Variants in ZBTB10 observed in about 807,000 individuals in gnomAD.
The protein encoded by ZBTB10 is zinc finger and BTB domain-containing protein 10.
ZBTB10 carries 32 observed loss-of-function variants against 76.4 expected under a neutral mutation model. The ratio of observed to expected loss-of-function variants is 0.42; its 90% CI spans 0.32 to 0.56. The LOEUF (loss-of-function observed/expected upper bound fraction) is 0.56. ZBTB10 is among the 20% of genes least tolerant of loss of function. The probability of loss-of-function intolerance (pLI) is 0.14; values close to 1 mark genes in which losing one functional copy is unlikely to be tolerated. For missense variants in ZBTB10, 1,057 were observed against 1,098.5 expected (o/e 0.96, Z 0.53); for synonymous variants, 523 against 432.9 (o/e 1.21, Z -2.58).
rs560834595 is a variant in ZBTB10, at chr8:80,525,698, A to G, written c.*6170A>G. ...TTTCAGTATTATTTTTCTGTACCAA[A>G]CTCATTCAATAAATACTTGAGATTA... On this transcript the variant is annotated 3_prime_UTR_variant, in exon 6 of 6. Coordinates refer to ENST00000455036, the MANE Select transcript of ZBTB10 (RefSeq NM_001105539.3). 11 of 152,240 alleles carry G rather than the reference A, an allele frequency of 7.2e-5. No homozygotes were observed. In the East Asian group the frequency reaches 2.1e-3, roughly 29 times the overall value. The allele number at this position is 152,240 out of a possible 1,614,324, so 9.4% of individuals were successfully genotyped here. A position where few individuals can be genotyped will look rare whatever the true frequency, so the allele number is the denominator to read the frequency against.
intron 2 of ZBTB10, among the ~76,000 whole-genome samples, chr8:80,510,933 C>G (rs1020978058): frequency 4.6e-5 from 7 of 152,080 alleles, no homozygotes; most frequent in Admixed American, 4.6e-4. Context: ...AAGCAAAATT[C>G]ATTCGTGTCA....
rs757569115 is a variant in ZBTB10 at position 80,523,234 on chromosome 8, G to A, written c.*3706G>A. ...ATTCTGAAGCCCATACTCTTTCAGGGAGGCTCTATTGCTGCCTCATTAAAC... is the reference window on the plus strand; with the variant it reads ...ATTCTGAAGCCCATACTCTTTCAGGAAGGCTCTATTGCTGCCTCATTAAAC... On this transcript the variant is annotated 3_prime_UTR_variant, in exon 6 of 6. Transcript: ENST00000455036. 5 of 151,910 alleles carry A rather than the reference G, an allele frequency of 3.3e-5. No homozygotes were observed. The highest frequency in any genetic ancestry group is 6.6e-5 in the Admixed American group (1 of 15,226). 9.4% of individuals were successfully genotyped at this position (151,910 alleles called of 1,614,324 possible).
At position 80,486,291 on chromosome 8, in the gene ZBTB10, T is replaced by A; in HGVS notation, c.-520T>A. The A allele has an allele frequency of 2.0e-6, 2 of 1,012,796 alleles. No homozygotes were observed. The highest frequency in any genetic ancestry group is 2.4e-6 in the Non-Finnish European group (2 of 849,006). The allele number at this position is 1,012,796 out of a possible 1,614,324, so 62.7% of individuals were successfully genotyped here. A position where few individuals can be genotyped will look rare whatever the true frequency, so the allele number is the denominator to read the frequency against. ...ACGCTCCGCCGGCTTTATTGTCGCT[T>A]CGTTATGTGGCGGAGCCGAGCAGTT... On this transcript the variant is annotated 5_prime_UTR_variant, in exon 1 of 6. Coordinates refer to ENST00000455036, the MANE Select transcript of ZBTB10 (RefSeq NM_001105539.3).
rs1815631931 is a variant in ZBTB10, at chr8:80,491,581, T to A, written c.972+3799T>A. ...ATGGGAAAGTCTTTTAAAACATGCT[T>A]TCTGAGTCTGTGTTTTGAGCCTTCT... On this transcript the variant is annotated intron_variant, in intron 1 of 5. Transcript: ENST00000455036. Among the ~76,000 whole-genome samples the A allele has an allele frequency of 2.7e-5, 4 of 148,038 alleles. No homozygotes were observed. The South Asian group carries it at 8.3e-4, about 31-fold the overall frequency.
chr8:80,498,068 G>A (rs972202965), intron 1 of ZBTB10, among the ~76,000 whole-genome samples: 2 of 152,242 alleles, frequency 1.3e-5, no homozygotes, highest in East Asian at 1.9e-4. Flanking sequence ...AGATGACAGC[G>A]TCTGTGGCCT....
Position 80,523,375 on chromosome 8 carries a change from C to A in ZBTB10, c.*3847C>A, listed in dbSNP as rs754881227. 3 of 151,964 alleles carry A rather than the reference C, an allele frequency of 2.0e-5. No homozygotes were observed. Among genetic ancestry groups the A allele is most frequent in the Non-Finnish European group, 4.4e-5 (3 of 67,888 alleles). 9.4% of individuals were successfully genotyped at this position (151,964 alleles called of 1,614,324 possible). ...CCCCCCAATAAATTTCCTTACTACTCTTTCTTCATAAAGCAGTTGTTTTGT... is the reference window on the plus strand; with the variant it reads ...CCCCCCAATAAATTTCCTTACTACTATTTCTTCATAAAGCAGTTGTTTTGT... On this transcript the variant is annotated 3_prime_UTR_variant, in exon 6 of 6. Coordinates refer to ENST00000455036, the MANE Select transcript of ZBTB10 (RefSeq NM_001105539.3).
Position 80,487,382 on chromosome 8 carries a change from C to T in ZBTB10, c.572C>T (p.Ala191Val), listed in dbSNP as rs1422451600. 1 of 1,529,876 alleles carries T rather than the reference C, an allele frequency of 6.5e-7. No homozygotes were observed. Among genetic ancestry groups the T allele is most frequent in the African/African-American group, 1.4e-5 (1 of 72,714 alleles). The allele number at this position is 1,529,876 out of a possible 1,614,324, so 94.8% of individuals were successfully genotyped here. Residue 191 changes from alanine to valine, a missense_variant, in exon 1 of 6, where the codon GCG becomes GTG. By Grantham distance (64) the Ala-to-Val change is moderately conservative. Around this residue, in one of 5 missense-constraint regions of ZBTB10, gnomAD observed 556 missense variants for 451.7 expected, o/e 1.23. Coordinates refer to ENST00000455036, the MANE Select transcript of ZBTB10 (RefSeq NM_001105539.3). ...AGCACCGAGGACGAGGAGGAGGGGG[C>T]GAGCCTGGGCGACGGCAGCGGGGCG... Reference protein sequence around the residue: ...SDSTEDEEEGASLGDGSGAEG... With the variant: ...SDSTEDEEEGVSLGDGSGAEG...
At chr8:80,504,569 C>A in intron 2 of ZBTB10, among the ~76,000 whole-genome samples, 1 of 152,138 alleles carries the variant, frequency 6.6e-6, no homozygotes, top group Non-Finnish European at 1.5e-5. Flanking sequence ...TGTTGTTTGA[C>A]TTCACTTCAG....
At position 80,504,709 on chromosome 8, in the gene ZBTB10, TAATCA is replaced by T. The variant is rs551723743; in HGVS notation, c.1861+4331_1861+4335del. 2.8e-3 allele frequency among the ~76,000 whole-genome samples: 427 copies of T among 152,282 alleles called. 1 individual carries two copies. Among genetic ancestry groups the T allele is most frequent in the Middle Eastern group, 3.4e-3 (1 of 294 alleles). ...CTGTCAGCAAAAACTAAAATCTGGG[TAATCA>T]AATAAGGGTAAAAATGATGTCGTGA... On this transcript the variant is annotated intron_variant, in intron 2 of 5. Transcript: ENST00000455036.
At chr8:80,491,399 C>T (rs1032555779) in intron 1 of ZBTB10, among the ~76,000 whole-genome samples, 4 of 152,208 alleles carry the variant, frequency 2.6e-5, no homozygotes, top group Non-Finnish European at 5.9e-5. Context: ...ATCGATGCAT[C>T]TCTCAGATCA....
At position 80,487,446 on chromosome 8, in the gene ZBTB10, C is replaced by T; in HGVS notation, c.636C>T (p.Gly212=). 6.5e-7 allele frequency: 1 copy of T among 1,545,914 alleles called. No homozygotes were observed. Among genetic ancestry groups the T allele is most frequent in the Non-Finnish European group, 8.8e-7 (1 of 1,142,824 alleles). The part of the protein sequence containing the change: ...GSCSSSRRSG[G]DGGDEVEGSG... ...GCAGCAGCAGCAGGCGGTCGGGCGG[C>T]GATGGCGGGGACGAAGTGGAGGGCA... The change falls in exon 1 of 6, where the codon GGC becomes GGT. Residue 212 remains glycine (G), a synonymous_variant. Coordinates refer to ENST00000455036, the MANE Select transcript of ZBTB10 (RefSeq NM_001105539.3).
At chr8:80,493,188 T>C (rs916921521) in intron 1 of ZBTB10, among the ~76,000 whole-genome samples, 4 of 133,506 alleles carry the variant, frequency 3.0e-5, no homozygotes, top group Admixed American at 7.6e-5. Flanking sequence ...AGACTGTGCC[T>C]CAAAACGCGC....
chr8:80,500,423 A>G, intron 2 of ZBTB10, 41 bp downstream of exon 2: 1 of 1,442,916 alleles, frequency 6.9e-7, no homozygotes, highest in South Asian at 1.5e-5. Flanking sequence ...TGTTCATCCT[A>G]ATTCTAGTTG....
At chr8:80,518,193 C>T (rs1816377706) in intron 3 of ZBTB10, among the ~76,000 whole-genome samples, 1 of 149,018 alleles carries the variant, frequency 6.7e-6, no homozygotes, top group African/African-American at 2.6e-5. Flanking sequence ...AACTGAATTT[C>T]TTCTACTATA....
rs759346726 is a variant in ZBTB10, at chr8:80,513,972, G to A, written c.1924G>A (p.Ala642Thr). 6.8e-6 allele frequency: 11 copies of A among 1,613,410 alleles called. No homozygotes were observed. The highest frequency in any genetic ancestry group is 6.7e-5 in the African/African-American group (5 of 74,896). The change falls in exon 3 of 6, where the codon GCT becomes ACT. Residue 642 changes from alanine to threonine, a missense_variant. By Grantham distance (58) the Ala-to-Thr change is moderately conservative. Transcript: ENST00000455036. ...TAGGAATGTGAATGCAAATTTATTG[G>A]CTGAAGCTGGCACTAGTCAAGATGG... The part of the protein sequence containing the change: ...GDRNVNANLL[A>T]EAGTSQDGGD...
In ZBTB10 at chr8:80,519,461, GAGA is replaced by G; in HGVS notation, c.2553_2555del (p.Glu851del). On this transcript the variant is annotated inframe_deletion, in exon 6 of 6. Coordinates refer to ENST00000455036, the MANE Select transcript of ZBTB10 (RefSeq NM_001105539.3). ...GCTGATGAAGAGCTAGTTGATGATGGAGAAGATCAGAATGATCCCTCTCGATGG... is the reference window on the plus strand; with the variant it reads ...GCTGATGAAGAGCTAGTTGATGATGGAGATCAGAATGATCCCTCTCGATGG... 1 of 1,612,494 alleles carries G rather than the reference GAGA, an allele frequency of 6.2e-7. No homozygotes were observed. The highest frequency in any genetic ancestry group is 8.5e-7 in the Non-Finnish European group (1 of 1,179,338).
chr8:80,502,352 C>CA (rs1815946101), intron 2 of ZBTB10, among the ~76,000 whole-genome samples: 1 of 152,152 alleles, frequency 6.6e-6, no homozygotes, highest in Non-Finnish European at 1.5e-5. Flanking sequence ...TCTCCTACCT[C>CA]AGCCTCCCAA....
At chr8:80,514,552 A>G (rs897294343) in intron 3 of ZBTB10, among the ~76,000 whole-genome samples, 1 of 152,228 alleles carries the variant, frequency 6.6e-6, no homozygotes, top group Non-Finnish European at 1.5e-5. Context: ...CTATTTTGCA[A>G]TCCCCACAGG....
Position 80,519,545 on chromosome 8 carries a change from C to T in ZBTB10, c.*17C>T. 6.3e-7 allele frequency: 1 copy of T among 1,586,620 alleles called. No individual in the cohort carries two copies. Among genetic ancestry groups the T allele is most frequent in the African/African-American group, 1.3e-5 (1 of 74,496 alleles). On this transcript the variant is annotated 3_prime_UTR_variant, in exon 6 of 6. Transcript: ENST00000455036. ...GATGATTAACTGACCTACTATACTC[C>T]TCAAGGATGCTGCATTTGGACCTAA...
Sources: allele counts gnomAD v4.1 joint callset (sites outside exome capture counted in the v4.1 genomes callset), GRCh38; gene constraint gnomAD v4.1.1; regional missense constraint gnomAD v4.1.1; transcripts MANE v1.5; gene names NCBI Gene and HGNC (gene_info 2026-07-23, HGNC 2026-07-21).